Variants in SLC7A13 observed in about 807,000 individuals in gnomAD.
SLC7A13 encodes X-amino acid transporter 2.
Under a neutral mutation model 32.0 loss-of-function variants are expected in SLC7A13, and 31 were observed. That is an observed-to-expected ratio of 0.97 (90% CI 0.73 to 1.31). The LOEUF is 1.31. Ranked by LOEUF, SLC7A13 falls within the 50% of genes most tolerant of loss-of-function variation. The pLI, the probability that SLC7A13 is intolerant of heterozygous loss-of-function variation, is 0.00. For missense variants in SLC7A13, 633 were observed against 546.9 expected (o/e 1.16, Z -1.57); for synonymous variants, 232 against 206.9 (o/e 1.12, Z -1.04).
At chr8:86,220,682 C>T (rs1820278708) in intron 2 of SLC7A13, among the ~76,000 whole-genome samples, 1 of 152,006 alleles carries the variant, frequency 6.6e-6, no homozygotes, top group South Asian at 2.1e-4. Flanking sequence ...GAAAAAAATG[C>T]ATCCCTTAAT....
intron 2 of SLC7A13, among the ~76,000 whole-genome samples, chr8:86,219,458 T>C (rs980298996): frequency 2.0e-5 from 3 of 152,190 alleles, no homozygotes; most frequent in African/African-American, 7.2e-5. Context: ...ATTTCATATA[T>C]GTTTTAGGTG....
chr8:86,219,640 C>A (rs1820254348), intron 2 of SLC7A13, among the ~76,000 whole-genome samples: 1 of 152,108 alleles, frequency 6.6e-6, no homozygotes, highest in Non-Finnish European at 1.5e-5. Flanking sequence ...TATGAGTCTG[C>A]ATGTATTTGT....
chr8:86,222,823 T>A (rs1820322122), intron 2 of SLC7A13, 149 bp downstream of exon 2: 2 of 685,850 alleles, frequency 2.9e-6, no homozygotes, highest in Non-Finnish European at 2.2e-6. Flanking sequence ...GACAAATCAT[T>A]CCCTTTGGCC....
At chr8:86,227,115 T>C (rs1028975667) in intron 1 of SLC7A13, among the ~76,000 whole-genome samples, 6 of 152,202 alleles carry the variant, frequency 3.9e-5, no homozygotes, top group Non-Finnish European at 8.8e-5. Context: ...TACTAGACTG[T>C]AAGCCTTTTT....
chr8:86,219,240 C>T (rs147307457), intron 2 of SLC7A13, among the ~76,000 whole-genome samples: 1 of 152,174 alleles, frequency 6.6e-6, no homozygotes, highest in East Asian at 1.9e-4. Context: ...TATTTCTTTC[C>T]AGTAAGGCAA....
At chr8:86,222,057 T>C (rs912473375) in intron 2 of SLC7A13, among the ~76,000 whole-genome samples, 5 of 152,158 alleles carry the variant, frequency 3.3e-5, no homozygotes, top group Admixed American at 6.6e-5. Context: ...CTAAGATAGC[T>C]AGACCATTAT....
intron 2 of SLC7A13, among the ~76,000 whole-genome samples, chr8:86,221,107 A>T (rs548245458): frequency 3.0e-4 from 45 of 152,286 alleles, no homozygotes; most frequent in African/African-American, 1.1e-3. Flanking sequence ...TAAAAATCAC[A>T]TACAATATCA....
At position 86,229,738 on chromosome 8, in the gene SLC7A13, C is replaced by T. The variant is rs754738072; in HGVS notation, c.540G>A (p.Val180=). 39 of 1,614,084 alleles carry T rather than the reference C, an allele frequency of 2.4e-5. No individual in the cohort carries two copies. Among genetic ancestry groups the T allele is most frequent in the South Asian group, 4.4e-5 (4 of 91,094 alleles). Reference sequence around the variant, plus strand: ...TCTCCTTTTTCCCTCTTATCAGGAACACTACTCCAGTTAGGGAAATGAAGC... The same window carrying T: ...TCTCCTTTTTCCCTCTTATCAGGAATACTACTCCAGTTAGGGAAATGAAGC... ...ILSFISLTGV[V]FLIRGKKENV... is the part of the protein sequence containing the mutation. The change falls in exon 1 of 4, where the codon GTG becomes GTA. Residue 180 remains valine, a synonymous_variant. Coordinates refer to ENST00000297524, the MANE Select transcript of SLC7A13 (RefSeq NM_138817.3).
chr8:86,223,543 C>G (rs539554323), intron 1 of SLC7A13, among the ~76,000 whole-genome samples: 1 of 152,228 alleles, frequency 6.6e-6, no homozygotes, highest in African/African-American at 2.4e-5. Flanking sequence ...ATATTATACA[C>G]ACACACACTA....
At chr8:86,219,456 T>C (rs1237615481) in intron 2 of SLC7A13, among the ~76,000 whole-genome samples, 1 of 152,196 alleles carries the variant, frequency 6.6e-6, no homozygotes, top group Non-Finnish European at 1.5e-5. Context: ...TGATTTCATA[T>C]ATGTTTTAGG....
chr8:86,224,928 T>G (rs2129801654), intron 1 of SLC7A13, among the ~76,000 whole-genome samples: 1 of 152,208 alleles, frequency 6.6e-6, no homozygotes, highest in Non-Finnish European at 1.5e-5. Flanking sequence ...GGGGTCTCGC[T>G]ATGTTGCCTG....
Position 86,214,194 on chromosome 8 carries a change from TTTTTAC to T in SLC7A13, c.*213_*218del, listed in dbSNP as rs879396112. 28 of 392,826 alleles carry T rather than the reference TTTTTAC, an allele frequency of 7.1e-5. No individual in the cohort carries two copies. Among genetic ancestry groups the T allele is most frequent in the Non-Finnish European group, 1.0e-4 (23 of 220,568 alleles). The allele number at this position is 392,826 out of a possible 1,614,324, so 24.3% of individuals were successfully genotyped here. A position where few individuals can be genotyped will look rare whatever the true frequency, so the allele number is the denominator to read the frequency against. ...AAGCTACGCAAACCAGGACTTAAGT[TTTTTAC>T]CATGCGAAGCAGAGCTTTTAGCAAT... is the stretch of plus-strand genomic sequence containing the variant. On this transcript the variant is annotated 3_prime_UTR_variant, in exon 4 of 4. Transcript: ENST00000297524.
At chr8:86,223,346 C>G (rs746539542) in intron 1 of SLC7A13, among the ~76,000 whole-genome samples, 5 of 152,024 alleles carry the variant, frequency 3.3e-5, no homozygotes, top group Non-Finnish European at 5.9e-5. Flanking sequence ...TTCCAAGTCT[C>G]TGTGGTTCAT....
chr8:86,216,688 G>C (rs1223967585), intron 3 of SLC7A13, among the ~76,000 whole-genome samples: 3 of 152,184 alleles, frequency 2.0e-5, no homozygotes. Flanking sequence ...AGACTGCCTA[G>C]ATTTGAATCT....
intron 1 of SLC7A13, among the ~76,000 whole-genome samples, chr8:86,225,498 T>G (rs1820375007): frequency 6.6e-6 from 1 of 152,194 alleles, no homozygotes. Context: ...TGTTCTTTCT[T>G]CTGAGCCTTT....
intron 1 of SLC7A13, among the ~76,000 whole-genome samples, chr8:86,229,163 A>G (rs1044978710): frequency 1.3e-5 from 2 of 151,746 alleles, no homozygotes; most frequent in Non-Finnish European, 2.9e-5. Context: ...AAAATATAAA[A>G]CATAACTCCA....
intron 1 of SLC7A13, among the ~76,000 whole-genome samples, chr8:86,225,847 A>T (rs1820381504): frequency 6.6e-6 from 1 of 152,104 alleles, no homozygotes; most frequent in Non-Finnish European, 1.5e-5. Flanking sequence ...GAGAGAATCA[A>T]TCAAGCCCAG....
intron 1 of SLC7A13, among the ~76,000 whole-genome samples, chr8:86,225,521 T>C (rs1820375324): frequency 6.6e-6 from 1 of 152,192 alleles, no homozygotes; most frequent in African/African-American, 2.4e-5. Flanking sequence ...CTTGTTCTCA[T>C]TATGTACTTG....
At chr8:86,229,297 C>T (rs190271618) in intron 1 of SLC7A13, among the ~76,000 whole-genome samples, 1 of 152,120 alleles carries the variant, frequency 6.6e-6, no homozygotes, top group African/African-American at 2.4e-5. Flanking sequence ...TTTCACAACC[C>T]CAGCATTCAT....
Sources: gnomAD v4.1 joint callset for allele counts (sites outside exome capture counted in the v4.1 genomes callset) on GRCh38, gnomAD v4.1.1 for gene constraint, MANE v1.5 for transcripts, NCBI Gene and HGNC (gene_info 2026-07-23, HGNC 2026-07-21) for gene names.